Variants in F13A1 observed in about 807,000 individuals in gnomAD.
F13A1 encodes FSF, A subunit.
F13A1 carries 47 observed loss-of-function variants against 80.1 expected under a neutral mutation model. The observed-to-expected ratio is 0.59, with a 90% CI of 0.46 to 0.75. F13A1 has a LOEUF of 0.75. Among genes scored for constraint, F13A1 ranks in the 30% least tolerant of loss-of-function variants. F13A1 has a pLI of 0.00. For missense variants in F13A1, 817 were observed against 930.4 expected (o/e 0.88, Z 1.59); for synonymous variants, 349 against 344.9 (o/e 1.01, Z -0.13).
intron 11 of F13A1, among the ~76,000 whole-genome samples, chr6:6,179,558 G>A (rs1028100991): frequency 6.6e-5 from 10 of 152,110 alleles, no homozygotes; most frequent in East Asian, 1.9e-4. Flanking sequence ...GGCCAATGGC[G>A]GCCATCAATC....
chr6:6,195,663 G>A (rs1761276053), intron 10 of F13A1, 134 bp downstream of exon 10: 1 of 773,042 alleles, frequency 1.3e-6, no homozygotes. Flanking sequence ...TTGGAATAAT[G>A]CCTAGTTACC....
intron 8 of F13A1, among the ~76,000 whole-genome samples, chr6:6,210,982 C>A (rs570188704): frequency 1.3e-5 from 2 of 152,154 alleles, no homozygotes; most frequent in Non-Finnish European, 2.9e-5. Flanking sequence ...CCTCCTGCAT[C>A]GGCCTCCCAA....
chr6:6,284,889 A>C (rs1449528878), intron 3 of F13A1, among the ~76,000 whole-genome samples: 1 of 152,174 alleles, frequency 6.6e-6, no homozygotes, highest in Non-Finnish European at 1.5e-5. Context: ...TTGACTGCCC[A>C]GAGTCACTTC....
chr6:6,226,154 T>G (rs1757273159), intron 6 of F13A1, among the ~76,000 whole-genome samples: 1 of 152,224 alleles, frequency 6.6e-6, no homozygotes, highest in Admixed American at 6.5e-5. Context: ...GGTGTAACGT[T>G]GATCATGTTT....
At chr6:6,199,286 G>A (rs62408014) in intron 8 of F13A1, among the ~76,000 whole-genome samples, 6 of 152,028 alleles carry the variant, frequency 3.9e-5, no homozygotes, top group African/African-American at 9.7e-5. Flanking sequence ...TCAGGAGATC[G>A]AGACCATCCT....
chr6:6,185,760 T>C (rs543334086), intron 10 of F13A1, among the ~76,000 whole-genome samples: 1 of 152,358 alleles, frequency 6.6e-6, no homozygotes, highest in Admixed American at 6.5e-5. Flanking sequence ...CTGGTTCAAA[T>C]GGTATTTCCA....
At chr6:6,316,055 T>C (rs1758675210) in intron 2 of F13A1, among the ~76,000 whole-genome samples, 2 of 106,732 alleles carry the variant, frequency 1.9e-5, no homozygotes, top group Admixed American at 2.0e-4. Context: ...TTCAGATGGT[T>C]TGTGTGCTGC....
intron 9 of F13A1, 144 bp from the exon 10 acceptor site, chr6:6,196,029 C>T: frequency 1.2e-6 from 1 of 824,210 alleles, no homozygotes; most frequent in African/African-American, 1.7e-5. Flanking sequence ...CTTTCCAAGG[C>T]TGAAGAGAAT....
rs902023328 is a variant in F13A1 at position 6,184,421 on chromosome 6, G to A, written c.1306-2280C>T. 3.9e-5 allele frequency among the ~76,000 whole-genome samples: 6 copies of A among 152,324 alleles called. No individual in the cohort carries two copies. The East Asian group carries it at 1.2e-3, about 29-fold the overall frequency. On this transcript the variant is annotated intron_variant, in intron 10 of 14. Coordinates refer to ENST00000264870, the MANE Select transcript of F13A1 (RefSeq NM_000129.4). ...GCTCAGATTTCTGAGGGTGATAAACGGTGGCCCTGCCCCTCAGCAGAGCAG... is the reference window on the plus strand; with the variant it reads ...GCTCAGATTTCTGAGGGTGATAAACAGTGGCCCTGCCCCTCAGCAGAGCAG...
intron 11 of F13A1, among the ~76,000 whole-genome samples, chr6:6,180,473 A>G (rs9502422): frequency 0.032 from 4,873 of 152,310 alleles, 274 homozygotes; most frequent in African/African-American, 0.11. Flanking sequence ...TGTCGTGTGG[A>G]TGTATGTATG....
intron 3 of F13A1, among the ~76,000 whole-genome samples, chr6:6,304,881 G>A (rs9502431): frequency 0.077 from 10,866 of 140,412 alleles, 861 homozygotes; most frequent in African/African-American, 0.2. Context: ...AAAAAAAAAA[G>A]GGTGATTAAA....
At chr6:6,298,179 A>G (rs958039119) in intron 3 of F13A1, among the ~76,000 whole-genome samples, 5 of 144,686 alleles carry the variant, frequency 3.5e-5, no homozygotes, top group African/African-American at 1.4e-4. Context: ...TATGTGGTCA[A>G]TTTTGGAATA....
chr6:6,296,973 T>G (rs1336250089), intron 3 of F13A1, among the ~76,000 whole-genome samples: 1 of 147,602 alleles, frequency 6.8e-6, no homozygotes, highest in Non-Finnish European at 1.5e-5. Flanking sequence ...TTGAATTTTG[T>G]CAAAGGCCTT....
intron 2 of F13A1, among the ~76,000 whole-genome samples, chr6:6,309,090 C>T (rs1758555311): frequency 6.6e-6 from 1 of 151,980 alleles, no homozygotes; most frequent in Admixed American, 6.6e-5. Flanking sequence ...ATCATTTTAA[C>T]CCCTAAGTAT....
chr6:6,284,387 G>T (rs1444434260), intron 3 of F13A1, among the ~76,000 whole-genome samples: 2 of 152,220 alleles, frequency 1.3e-5, no homozygotes, highest in African/African-American at 4.8e-5. Context: ...AAAGCTGTTT[G>T]ATGGAAAATG....
chr6:6,170,076 G>T lies in F13A1; in HGVS notation c.1748-2458C>A, dbSNP rs147727342. Among the ~76,000 whole-genome samples, 11 of 152,234 alleles carry T rather than the reference G, an allele frequency of 7.2e-5. No individual in the cohort carries two copies. The East Asian group carries it at 1.7e-3, about 24-fold the overall frequency. On this transcript the variant is annotated intron_variant, in intron 12 of 14. Transcript: ENST00000264870. ...ATGAGTGAGGTTCTGGCCCTCTATTGGTTACAGCCTCAGATGAGCACAAAT... is the reference window on the plus strand; with the variant it reads ...ATGAGTGAGGTTCTGGCCCTCTATTTGTTACAGCCTCAGATGAGCACAAAT...
intron 3 of F13A1, among the ~76,000 whole-genome samples, chr6:6,296,662 T>C (rs1758333090): frequency 1.3e-5 from 2 of 148,522 alleles, no homozygotes; most frequent in South Asian, 4.2e-4. Flanking sequence ...ACAATGGGGT[T>C]TTCTAGATAT....
chr6:6,224,934 A>G (rs1160806778), intron 6 of F13A1, 74 bp from the exon 7 acceptor site: 3 of 1,508,026 alleles, frequency 2.0e-6, no homozygotes, highest in Admixed American at 1.7e-5. Context: ...TGCATGGCGC[A>G]AGCTATGGCT....
At chr6:6,262,239 C>A (rs1206200223) in intron 4 of F13A1, among the ~76,000 whole-genome samples, 1 of 150,372 alleles carries the variant, frequency 6.7e-6, no homozygotes, top group African/African-American at 2.5e-5. Flanking sequence ...GTGCTCCAAG[C>A]GTGGTGACCC....
Sources: gnomAD v4.1 joint callset for allele counts (sites outside exome capture counted in the v4.1 genomes callset) on GRCh38, gnomAD v4.1.1 for gene constraint, MANE v1.5 for transcripts, NCBI Gene and HGNC (gene_info 2026-07-23, HGNC 2026-07-21) for gene names.